The following LHFPL5 variants were observed in gnomAD, a reference collection of about 807,000 sequenced individuals.
The protein encoded by LHFPL5 is LHFPL tetraspan subfamily member 5 protein.
In LHFPL5, 12 loss-of-function variants were observed where a neutral mutation model predicts 18.7. That is an observed-to-expected ratio of 0.64 (90% CI 0.41 to 1.04). The LOEUF (loss-of-function observed/expected upper bound fraction) is 1.04, where lower values mean the gene tolerates loss of function less well. Among genes scored for constraint, LHFPL5 ranks in the 50% least tolerant of loss-of-function variants. LHFPL5 has a pLI of 0.00. For missense variants in LHFPL5, 259 were observed against 292.1 expected, an observed-to-expected ratio of 0.89 and a Z score of 0.83; for synonymous variants, 111 against 120.2, an observed-to-expected ratio of 0.92 and a Z score of 0.50.
Position 35,818,349 on chromosome 6 carries a change from GTATTTT to G in LHFPL5, c.650-1086_650-1081del, listed in dbSNP as rs1561955730. ...TATATATATATATATATATATATAT[GTATTTT>G]TTTTTTTTTTTTTTTTTTTTTGAGA... On this transcript the variant is annotated intron_variant, in intron 2 of 3. Coordinates refer to ENST00000360215, the MANE Select transcript of LHFPL5 (RefSeq NM_182548.4). Among the ~76,000 whole-genome samples, 6 of 7,288 alleles carry G rather than the reference GTATTTT, an allele frequency of 8.2e-4. No individual in the cohort carries two copies. In the Admixed American group the frequency reaches 0.014, roughly 17 times the overall value. The allele number at this position is 7,288 out of a possible 152,430, so 4.8% of individuals were successfully genotyped here.
intron 3 of LHFPL5, chr6:35,819,747 G>A (rs1351541554): frequency 6.4e-5 from 29 of 451,782 alleles, no homozygotes; most frequent in South Asian, 6.3e-4. Context: ...GTGCGATCTC[G>A]GCTCACTGCA....
chr6:35,816,803 C>A (rs980047941), intron 2 of LHFPL5, among the ~76,000 whole-genome samples: 1 of 137,192 alleles, frequency 7.3e-6, no homozygotes, highest in Non-Finnish European at 1.5e-5. Context: ...CAGAGCAAGA[C>A]TCCATCTAAA....
chr6:35,811,044 C>T (rs1210757079), intron 1 of LHFPL5, among the ~76,000 whole-genome samples: 4 of 152,154 alleles, frequency 2.6e-5, no homozygotes, highest in Admixed American at 2.0e-4. Flanking sequence ...CATCAGTCAC[C>T]ATCAGCTGTC....
chr6:35,810,641 C>G (rs1444966147), intron 1 of LHFPL5, among the ~76,000 whole-genome samples: 1 of 151,744 alleles, frequency 6.6e-6, no homozygotes, highest in Non-Finnish European at 1.5e-5. Flanking sequence ...AGGGGATAAT[C>G]CCCCCAAAAA....
intron 2 of LHFPL5, among the ~76,000 whole-genome samples, chr6:35,816,978 C>T (rs1172475569): frequency 6.6e-6 from 1 of 152,060 alleles, no homozygotes; most frequent in East Asian, 1.9e-4. Context: ...CCCTACCTCA[C>T]ACCATATACA....
At chr6:35,812,986 CGGGTGTTGCAGTGAGCCG>C (rs1338965359) in intron 1 of LHFPL5, among the ~76,000 whole-genome samples, 2 of 151,876 alleles carry the variant, frequency 1.3e-5, no homozygotes, top group African/African-American at 2.4e-5. Flanking sequence ...ATCCGGGAGG[CGGGTGTTGCAGTGAGCCG>C]AGATCGTGCC....
At position 35,805,383 on chromosome 6, in the gene LHFPL5, G is replaced by C. The variant is rs1051524808; in HGVS notation, c.-288G>C. 3.5e-5 allele frequency: 15 copies of C among 423,764 alleles called. No homozygotes were observed. The highest frequency in any genetic ancestry group is 6.6e-4 in the Middle Eastern group (1 of 1,512). 26.3% of individuals were successfully genotyped at this position (423,764 alleles called of 1,614,324 possible). ...AGCCGTGAGCCGGGAAGAGGGAGAC[G>C]GGCAGGGCGGCGCCAGCAGGCCCTG... On this transcript the variant is annotated 5_prime_UTR_variant, in exon 1 of 4. Transcript: ENST00000360215. The surrounding 1 kb of genome is among the most constrained non-coding windows in gnomAD (Gnocchi z 4.3).
chr6:35,818,334 TATATATATATATATGTA>T (rs1212111704), intron 2 of LHFPL5, among the ~76,000 whole-genome samples: 1 of 6,514 alleles, frequency 1.5e-4, no homozygotes, highest in Non-Finnish European at 7.9e-4. Context: ...TATATATATA[TATATATATATATATGTA>T]TTTTTTTTTT....
rs141553923 is a variant in LHFPL5 at position 35,807,895 on chromosome 6, G to T, written c.412+1813G>T. ...AATATCTTTACATATAATATCTGGA[G>T]GAGCCCCAGCACAACCCATTGAGGT... On this transcript the variant is annotated intron_variant, in intron 1 of 3. Transcript: ENST00000360215. 3.2e-3 allele frequency among the ~76,000 whole-genome samples: 487 copies of T among 152,242 alleles called. 3 individuals carry two copies. The highest frequency in any genetic ancestry group is 0.017 in the Middle Eastern group (5 of 294).
intron 1 of LHFPL5, among the ~76,000 whole-genome samples, chr6:35,809,381 G>A (rs1768627350): frequency 1.3e-5 from 2 of 152,250 alleles, no homozygotes; most frequent in Middle Eastern, 3.4e-3. Context: ...GCATTAGCAC[G>A]AGATCTCTGA....
intron 3 of LHFPL5, among the ~76,000 whole-genome samples, chr6:35,821,721 T>A (rs1035719244): frequency 1.3e-5 from 2 of 152,042 alleles, no homozygotes; most frequent in Non-Finnish European, 1.5e-5. Context: ...CCTCAGGTGA[T>A]CCTCCCGCCT....
intron 2 of LHFPL5, among the ~76,000 whole-genome samples, chr6:35,817,351 T>C (rs116623564): frequency 2.0e-4 from 31 of 152,130 alleles, no homozygotes; most frequent in African/African-American, 7.2e-4. Context: ...AAAAAATAGA[T>C]AAATCAGCTT....
At chr6:35,816,345 C>CAAAAAAAAAA (rs761580974) in intron 2 of LHFPL5, among the ~76,000 whole-genome samples, 8 of 77,454 alleles carry the variant, frequency 1.0e-4, no homozygotes, top group Admixed American at 3.0e-4. Flanking sequence ...GACTCCGTCT[C>CAAAAAAAAAA]AAAAAAAAAA....
chr6:35,819,428 T>A lies in LHFPL5; in HGVS notation c.650-9T>A. 2 of 1,613,966 alleles carry A rather than the reference T, an allele frequency of 1.2e-6. No homozygotes were observed. The highest frequency in any genetic ancestry group is 1.7e-6 in the Non-Finnish European group (2 of 1,179,868). ...GTAGTAACGTATACTGTTCTCTCCTTCATTACAGAGGAGGTGTGAAGCAGC... is the reference window on the plus strand; with the variant it reads ...GTAGTAACGTATACTGTTCTCTCCTACATTACAGAGGAGGTGTGAAGCAGC... On this transcript the variant is annotated splice_polypyrimidine_tract_variant and intron_variant, in intron 2 of 3. Coordinates refer to ENST00000360215, the MANE Select transcript of LHFPL5 (RefSeq NM_182548.4).
intron 3 of LHFPL5, among the ~76,000 whole-genome samples, chr6:35,822,196 C>T (rs1372090743): frequency 1.3e-5 from 2 of 151,606 alleles, no homozygotes; most frequent in African/African-American, 4.8e-5. Flanking sequence ...CCTGGTGTAC[C>T]ATTTTTTAAA....
At chr6:35,809,288 C>T (rs1396858466) in intron 1 of LHFPL5, among the ~76,000 whole-genome samples, 1 of 152,022 alleles carries the variant, frequency 6.6e-6, no homozygotes, top group Non-Finnish European at 1.5e-5. Flanking sequence ...AACAAATTAC[C>T]ATAGATTAGG....
At chr6:35,821,350 G>T (rs140536473) in intron 3 of LHFPL5, among the ~76,000 whole-genome samples, 2 of 151,952 alleles carry the variant, frequency 1.3e-5, no homozygotes, top group Admixed American at 1.3e-4. Context: ...GGTGGGGTGG[G>T]TCTGGGGCCG....
intron 1 of LHFPL5, among the ~76,000 whole-genome samples, chr6:35,811,068 G>A (rs1032105118): frequency 1.3e-5 from 2 of 152,168 alleles, no homozygotes; most frequent in Non-Finnish European, 2.9e-5. Flanking sequence ...GCATCAGAGG[G>A]AAGGGAACTC....
At chr6:35,820,187 G>A (rs1019104747) in intron 3 of LHFPL5, among the ~76,000 whole-genome samples, 13 of 151,998 alleles carry the variant, frequency 8.6e-5, no homozygotes, top group Non-Finnish European at 1.0e-4. Flanking sequence ...AAAAGTCATA[G>A]ACAGAAAAAC....
Sources: gnomAD v4.1 joint callset for allele counts (sites outside exome capture counted in the v4.1 genomes callset) on GRCh38, gnomAD v4.1.1 for gene constraint, Gnocchi (gnomAD v3.1) non-coding constraint, MANE v1.5 for transcripts, NCBI Gene and HGNC (gene_info 2026-07-23, HGNC 2026-07-21) for gene names.